Variants in CDH13 observed in about 807,000 individuals in gnomAD.
The protein encoded by CDH13 is cadherin 13.
In CDH13, 24 loss-of-function variants were observed where a neutral mutation model predicts 63.8. The ratio of observed to expected loss-of-function variants is 0.38; its 90% CI spans 0.27 to 0.53. The LOEUF (loss-of-function observed/expected upper bound fraction) is 0.53. CDH13 is among the 20% of genes least tolerant of loss of function. The pLI, the probability that CDH13 is intolerant of heterozygous loss-of-function variation, is 0.85. For missense variants in CDH13, 1,049 were observed against 903.1 expected (o/e 1.16, Z -2.07); for synonymous variants, 503 against 355.3 (o/e 1.42, Z -4.67).
chr16:82,707,437 T>C (rs999145882), intron 1 of CDH13, among the ~76,000 whole-genome samples: 1 of 151,780 alleles, frequency 6.6e-6, no homozygotes, highest in African/African-American at 2.4e-5. Context: ...ACAGAAGGAG[T>C]AAGAAGTATC....
chr16:82,800,556 A>G (rs2036800463), intron 1 of CDH13, among the ~76,000 whole-genome samples: 3 of 152,220 alleles, frequency 2.0e-5, no homozygotes, highest in African/African-American at 7.2e-5. Flanking sequence ...CATCACATTA[A>G]CAAAGGGCTC....
chr16:83,064,036 A>G (rs1217305609), intron 3 of CDH13, among the ~76,000 whole-genome samples: 1 of 152,186 alleles, frequency 6.6e-6, no homozygotes, highest in Admixed American at 6.5e-5. Context: ...TGAGTCTCAC[A>G]TTTCAGAGCT....
intron 6 of CDH13, among the ~76,000 whole-genome samples, chr16:83,425,274 A>G (rs1597989610): frequency 6.6e-6 from 1 of 152,242 alleles, no homozygotes; most frequent in Non-Finnish European, 1.5e-5. Context: ...ATGTCATCTA[A>G]CGTTAGTTCC....
chr16:83,289,924 C>G (rs149054413), intron 5 of CDH13, among the ~76,000 whole-genome samples: 1 of 152,126 alleles, frequency 6.6e-6, no homozygotes, highest in African/African-American at 2.4e-5. Flanking sequence ...ACCTCTATAG[C>G]CAGCACCCAG....
chr16:83,184,095 C>CACAG (rs1170823488), intron 4 of CDH13, among the ~76,000 whole-genome samples: 1 of 128,276 alleles, frequency 7.8e-6, no homozygotes, highest in Non-Finnish European at 1.7e-5. Flanking sequence ...GTTAAACACA[C>CACAG]ACACACACAC....
chr16:83,424,249 A>G (rs1311279206), intron 6 of CDH13, among the ~76,000 whole-genome samples: 1 of 149,396 alleles, frequency 6.7e-6, no homozygotes, highest in African/African-American at 2.4e-5. Flanking sequence ...AAAATCCAAC[A>G]TGGACTGGAC....
At chr16:82,691,128 T>G (rs1462041) in intron 1 of CDH13, among the ~76,000 whole-genome samples, 1 of 152,140 alleles carries the variant, frequency 6.6e-6, no homozygotes, top group Non-Finnish European at 1.5e-5. Flanking sequence ...CTCAGAGATA[T>G]AACAATCAGC....
intron 10 of CDH13, among the ~76,000 whole-genome samples, chr16:83,740,367 T>C (rs1911947204): frequency 6.6e-6 from 1 of 151,858 alleles, no homozygotes; most frequent in Non-Finnish European, 1.5e-5. Context: ...AAGCAAAGAA[T>C]CAGGTGCATT....
chr16:83,699,532 C>G (rs966924614), intron 10 of CDH13, among the ~76,000 whole-genome samples: 2 of 152,160 alleles, frequency 1.3e-5, no homozygotes, highest in African/African-American at 2.4e-5. Context: ...CTTCTGCAAG[C>G]TAGTTCCATT....
At chr16:83,482,224 A>C (rs2073786518) in intron 6 of CDH13, among the ~76,000 whole-genome samples, 1 of 152,240 alleles carries the variant, frequency 6.6e-6, no homozygotes, top group Non-Finnish European at 1.5e-5. Context: ...AATTCAACCC[A>C]AAGAACACTG....
At chr16:82,817,502 C>A (rs9930305) in intron 1 of CDH13, among the ~76,000 whole-genome samples, 2 of 152,004 alleles carry the variant, frequency 1.3e-5, no homozygotes, top group African/African-American at 4.8e-5. Flanking sequence ...AATGCACACA[C>A]ATATATACAT....
chr16:82,742,251 A>G (rs2033965153), intron 1 of CDH13, among the ~76,000 whole-genome samples: 2 of 152,202 alleles, frequency 1.3e-5, no homozygotes, highest in Non-Finnish European at 2.9e-5. Flanking sequence ...TGAAAGAAAT[A>G]CAGGAAAATA....
intron 6 of CDH13, chr16:83,383,259 C>A (rs1158943457): frequency 6.6e-6 from 1 of 152,222 alleles, no homozygotes; most frequent in East Asian, 1.9e-4. Flanking sequence ...TGCTGGGGCA[C>A]ACACAACCAA....
At chr16:82,954,770 T>C (rs984853757) in intron 2 of CDH13, 2 of 151,184 alleles carry the variant, frequency 1.3e-5, no homozygotes, top group African/African-American at 2.4e-5. Flanking sequence ...AAAAACACTA[T>C]CCTGAGTCAT....
intron 6 of CDH13, among the ~76,000 whole-genome samples, chr16:83,380,300 C>T (rs2091539310): frequency 6.6e-6 from 1 of 152,198 alleles, no homozygotes; most frequent in South Asian, 2.1e-4. Context: ...GATTTTCATA[C>T]TATTGTTCTT....
chr16:83,277,708 C>T (rs2089036425), intron 5 of CDH13, among the ~76,000 whole-genome samples: 1 of 152,014 alleles, frequency 6.6e-6, no homozygotes, highest in Non-Finnish European at 1.5e-5. Context: ...TTAAGTCAAA[C>T]GTGAAAGCCC....
chr16:83,468,879 C>A (rs1296905857), intron 6 of CDH13, among the ~76,000 whole-genome samples: 1 of 152,152 alleles, frequency 6.6e-6, no homozygotes, highest in Non-Finnish European at 1.5e-5. Context: ...GGCATTAAGC[C>A]CTGCACGCAT....
intron 5 of CDH13, among the ~76,000 whole-genome samples, chr16:83,258,609 G>C (rs1468935764): frequency 6.6e-6 from 1 of 152,172 alleles, no homozygotes; most frequent in East Asian, 1.9e-4. Context: ...CTTTTCAGAG[G>C]TGGCCAACAC....
chr16:83,116,485 C>A (rs1027434368), intron 3 of CDH13, among the ~76,000 whole-genome samples: 1 of 152,210 alleles, frequency 6.6e-6, no homozygotes, highest in Non-Finnish European at 1.5e-5. Flanking sequence ...GTGGATGGCG[C>A]TGCAGCCCCT....
Sources: gnomAD v4.1 joint callset for allele counts (sites outside exome capture counted in the v4.1 genomes callset) on GRCh38, gnomAD v4.1.1 for gene constraint, MANE v1.5 for transcripts, NCBI Gene and HGNC (gene_info 2026-07-23, HGNC 2026-07-21) for gene names.